FAM107B: variants seen among roughly 807,000 people sequenced by gnomAD.
FAM107B encodes protein FAM107B.
In FAM107B, 21 loss-of-function variants were observed where a neutral mutation model predicts 31.5. That is an observed-to-expected ratio of 0.67 (90% CI 0.47 to 0.96). FAM107B has a LOEUF of 0.96. Among genes scored for constraint, FAM107B ranks in the 40% least tolerant of loss-of-function variants. FAM107B has a pLI of 0.00. For missense variants in FAM107B, 452 were observed against 377.1 expected, an observed-to-expected ratio of 1.20 and a Z score of -1.64; for synonymous variants, 157 against 141.5, an observed-to-expected ratio of 1.11 and a Z score of -0.78.
intron 2 of FAM107B, among the ~76,000 whole-genome samples, chr10:14,649,300 C>A (rs539524034): frequency 6.6e-6 from 1 of 152,328 alleles, no homozygotes; most frequent in East Asian, 1.9e-4. Flanking sequence ...ATTTCTTTGA[C>A]ACATTTTGAA....
chr10:14,678,514 G>A (rs1375242865), intron 1 of FAM107B, among the ~76,000 whole-genome samples: 2 of 152,004 alleles, frequency 1.3e-5, no homozygotes, highest in East Asian at 3.9e-4. Flanking sequence ...AACCTAATTC[G>A]GGACCTCCAG....
chr10:14,539,867 T>C (rs1231414209), intron 2 of FAM107B, among the ~76,000 whole-genome samples: 1 of 152,214 alleles, frequency 6.6e-6, no homozygotes, highest in Non-Finnish European at 1.5e-5. Context: ...TCTACTCCTG[T>C]GCAGATTCTA....
At chr10:14,602,408 A>T (rs1480140595) in intron 2 of FAM107B, 1 of 152,246 alleles carries the variant, frequency 6.6e-6, no homozygotes, top group African/African-American at 2.4e-5. Flanking sequence ...AAAATGTTAC[A>T]AGAGGAAAAT....
In FAM107B at chr10:14,600,700, C is replaced by T. The variant is rs575776717; in HGVS notation, c.469+66934G>A. ...TGTCACCCAGACTGGAGTGCACTGG[C>T]GTGATCACAGCTCACTGCAGCCTCG... On this transcript the variant is annotated intron_variant, in intron 2 of 4. Coordinates refer to ENST00000181796, the MANE Select transcript of FAM107B (RefSeq NM_031453.4). Among the ~76,000 whole-genome samples, 11 of 152,286 alleles carry T rather than the reference C, an allele frequency of 7.2e-5. 1 individual carries two copies. Among genetic ancestry groups the T allele is most frequent in the Admixed American group, 4.6e-4 (7 of 15,300 alleles).
intron 2 of FAM107B, among the ~76,000 whole-genome samples, chr10:14,635,054 G>A (rs370906220): frequency 3.5e-5 from 5 of 144,690 alleles, no homozygotes; most frequent in African/African-American, 1.0e-4. Flanking sequence ...GCACCACTGC[G>A]ATCCAGAGAC....
chr10:14,636,971 A>T (rs1853515252), intron 2 of FAM107B, among the ~76,000 whole-genome samples: 1 of 152,056 alleles, frequency 6.6e-6, no homozygotes, highest in South Asian at 2.1e-4. Context: ...TTACTGATCT[A>T]GGATGTTTTG....
chr10:14,706,970 G>T (rs1241656862), intron 1 of FAM107B, among the ~76,000 whole-genome samples: 1 of 151,684 alleles, frequency 6.6e-6, no homozygotes, highest in Non-Finnish European at 1.5e-5. Context: ...ACTAAAAATA[G>T]AAAAATTAGC....
At chr10:14,548,847 CCGACTGAAT>C (rs1564553210) in intron 2 of FAM107B, among the ~76,000 whole-genome samples, 2 of 151,110 alleles carry the variant, frequency 1.3e-5, no homozygotes, top group African/African-American at 2.4e-5. Context: ...CACACACACA[CCGACTGAAT>C]GCTGAGTCCC....
At chr10:14,561,838 G>A (rs10466314) in intron 2 of FAM107B, among the ~76,000 whole-genome samples, 145 of 152,306 alleles carry the variant, frequency 9.5e-4, no homozygotes, top group African/African-American at 3.4e-3. Flanking sequence ...AGGCTGGAGT[G>A]CAGTGGCATG....
At chr10:14,705,023 C>CAGA (rs1855487216) in intron 1 of FAM107B, among the ~76,000 whole-genome samples, 1 of 87,932 alleles carries the variant, frequency 1.1e-5, no homozygotes, top group Non-Finnish European at 2.1e-5. Flanking sequence ...GACCCTGTCA[C>CAGA]AAAAAAAAAA....
chr10:14,700,827 CAAAAAAAAAAAAAA>C (rs1159035034), intron 1 of FAM107B, among the ~76,000 whole-genome samples: 3 of 76,020 alleles, frequency 3.9e-5, no homozygotes, highest in Admixed American at 3.7e-4. Flanking sequence ...TGGCAAGAGG[CAAAAAAAAAAAAAA>C]AAAAAAAAAA....
intron 2 of FAM107B, among the ~76,000 whole-genome samples, chr10:14,537,923 T>A (rs184067246): frequency 2.0e-5 from 3 of 152,150 alleles, no homozygotes; most frequent in African/African-American, 4.8e-5. Context: ...ATTAGCGCTG[T>A]CACTGGCAAC....
chr10:14,653,803 T>C (rs570456789), intron 2 of FAM107B: 3 of 152,308 alleles, frequency 2.0e-5, no homozygotes, highest in South Asian at 2.1e-4. Context: ...GCCCACAAGC[T>C]TGAGGCTAGT....
At chr10:14,722,273 T>G (rs1855929696) in intron 1 of FAM107B, among the ~76,000 whole-genome samples, 1 of 152,242 alleles carries the variant, frequency 6.6e-6, no homozygotes, top group Non-Finnish European at 1.5e-5. Context: ...GTACATTTTA[T>G]AAAAATGAAA....
At chr10:14,759,037 G>T (rs1337256688) in intron 1 of FAM107B, among the ~76,000 whole-genome samples, 17 of 151,722 alleles carry the variant, frequency 1.1e-4, no homozygotes. Context: ...AATTAGCCAG[G>T]TGTGGTGGCG....
chr10:14,553,379 T>G (rs1047743321), intron 2 of FAM107B: 22 of 1,280,820 alleles, frequency 1.7e-5, no homozygotes, highest in Non-Finnish European at 2.2e-5. Flanking sequence ...TAGTTTCAAC[T>G]GCATTCTCCT....
chr10:14,763,441 T>C (rs1833097809), intron 1 of FAM107B, among the ~76,000 whole-genome samples: 1 of 152,212 alleles, frequency 6.6e-6, no homozygotes. Context: ...AGGACAGACA[T>C]GTAGCCCCCA....
rs967615682 is a variant in FAM107B at position 14,700,036 on chromosome 10, G to A, written c.412-32345C>T. On this transcript the variant is annotated intron_variant, in intron 1 of 4. Coordinates refer to ENST00000181796, the MANE Select transcript of FAM107B (RefSeq NM_031453.4). ...CAACCTCCACCTCCCGGGTGCAAGC[G>A]ATTCTTCTGCCTCAGCCTCCCGAGT... Among the ~76,000 whole-genome samples, 4 of 152,130 alleles carry A rather than the reference G, an allele frequency of 2.6e-5. No homozygotes were observed. The East Asian group carries it at 5.8e-4, about 22-fold the overall frequency.
intron 2 of FAM107B, among the ~76,000 whole-genome samples, chr10:14,561,942 G>A (rs1016100698): frequency 1.3e-5 from 2 of 151,988 alleles, no homozygotes; most frequent in Admixed American, 6.5e-5. Context: ...GTGCCACCAC[G>A]CCCAGCTAAT....
Sources: allele counts gnomAD v4.1 joint callset (sites outside exome capture counted in the v4.1 genomes callset), GRCh38; gene constraint gnomAD v4.1.1; transcripts MANE v1.5; gene names NCBI Gene and HGNC (gene_info 2026-07-23, HGNC 2026-07-21).